EYS: variants seen among roughly 807,000 people sequenced by gnomAD.
EYS encodes EGF-like photoreceptor maintenance factor, also known as protein eyes shut homolog.
In EYS, 250 loss-of-function variants were observed where a neutral mutation model predicts 282.1. That is an observed-to-expected ratio of 0.89 (90% confidence interval 0.80 to 0.98). The LOEUF (loss-of-function observed/expected upper bound fraction) is 0.98, where lower values mean the gene tolerates loss of function less well. Ranked by LOEUF, EYS falls within the 50% of genes least tolerant of loss-of-function variation. EYS has a pLI of 0.00. For synonymous variants in EYS, 1,355 were observed against 1,282.9 expected, an observed-to-expected ratio of 1.06 and a Z score of -1.20; for missense variants, 4,016 against 3,709.0, an observed-to-expected ratio of 1.08 and a Z score of -2.15.
intron 22 of EYS, among the ~76,000 whole-genome samples, chr6:64,742,352 T>A (rs770883189): frequency 1.1e-4 from 17 of 152,066 alleles, no homozygotes; most frequent in Non-Finnish European, 2.2e-4. Context: ...TAATCATAGA[T>A]CACTGTAACA....
At position 64,916,146 on chromosome 6, in the gene EYS, A is replaced by T. The variant is rs537085045; in HGVS notation, c.2382-3403T>A. Among the ~76,000 whole-genome samples the T allele has an allele frequency of 3.9e-4, 60 of 152,314 alleles. 1 individual carries two copies. The South Asian group carries it at 0.01, about 26-fold the overall frequency. On this transcript the variant is annotated intron_variant, in intron 15 of 42. Transcript: ENST00000503581. ...AAGCTAGAGAATTAATATTTTCTAA[A>T]ATCATGGTTACACAGGTCCTGAGGG...
intron 22 of EYS, among the ~76,000 whole-genome samples, chr6:64,768,427 G>A (rs1223767542): frequency 3.3e-5 from 5 of 152,098 alleles, no homozygotes; most frequent in Non-Finnish European, 7.4e-5. Context: ...TCTATTTTAT[G>A]AGAAATTTAA....
chr6:63,950,145 A>T (rs1163633018), intron 35 of EYS, among the ~76,000 whole-genome samples: 1 of 151,644 alleles, frequency 6.6e-6, no homozygotes, highest in Non-Finnish European at 1.5e-5. Context: ...GCACTCCAGC[A>T]TTGGCAACAG....
Position 65,039,134 on chromosome 6 carries a change from T to G in EYS, c.2137+18480A>C, listed in dbSNP as rs150804048. On this transcript the variant is annotated intron_variant, in intron 13 of 42. Coordinates refer to ENST00000503581, the MANE Select transcript of EYS (RefSeq NM_001142800.2). ...AAGAACTTCTACATTTTCTCCTTCA[T>G]AGTTTTAGGTTTTACATAGAGAATG... 5.3e-5 allele frequency among the ~76,000 whole-genome samples: 8 copies of G among 151,672 alleles called. 1 individual carries two copies. Among genetic ancestry groups the G allele is most frequent in the African/African-American group, 1.9e-4 (8 of 41,540 alleles).
chr6:65,316,374 A>G (rs1377028582), intron 11 of EYS, among the ~76,000 whole-genome samples: 2 of 152,040 alleles, frequency 1.3e-5, no homozygotes, highest in African/African-American at 4.8e-5. Flanking sequence ...TAATTGATTT[A>G]TTATTTTCTC....
intron 2 of EYS, among the ~76,000 whole-genome samples, chr6:65,625,804 A>G (rs943698517): frequency 2.0e-5 from 3 of 152,230 alleles, no homozygotes; most frequent in Non-Finnish European, 4.4e-5. Context: ...GCCATTAAGC[A>G]AGGCAAATTT....
At chr6:64,204,527 A>G (rs1765560874) in intron 31 of EYS, among the ~76,000 whole-genome samples, 1 of 152,178 alleles carries the variant, frequency 6.6e-6, no homozygotes, top group South Asian at 2.1e-4. Context: ...AATACAAAGT[A>G]ATGAACTACT....
rs527924726 is a variant in EYS at position 65,638,021 on chromosome 6, T to A, written c.-333+1757A>T. Among the ~76,000 whole-genome samples the A allele has an allele frequency of 1.7e-3, 254 of 152,108 alleles. 1 individual carries two copies. Among genetic ancestry groups the A allele is most frequent in the African/African-American group, 5.3e-3 (218 of 41,488 alleles). ...GCCGGGTTGTCAGTTCCAGCTGGAG[T>A]CCACTACCCAGAGTGAGAACTTACG... On this transcript the variant is annotated intron_variant, in intron 2 of 42. Transcript: ENST00000503581.
chr6:64,236,720 T>C (rs1230078361), intron 30 of EYS, among the ~76,000 whole-genome samples: 1 of 70,754 alleles, frequency 1.4e-5, no homozygotes, highest in Non-Finnish European at 3.0e-5. Flanking sequence ...TTTTTCTTCC[T>C]TTTTTTTCAA....
chr6:64,049,298 T>C (rs548588459), intron 33 of EYS, among the ~76,000 whole-genome samples: 2 of 152,334 alleles, frequency 1.3e-5, no homozygotes, highest in East Asian at 3.9e-4. Context: ...CACTATCACA[T>C]ATATATCCCT....
intron 12 of EYS, among the ~76,000 whole-genome samples, chr6:65,107,218 C>A (rs192485035): frequency 2.3e-4 from 35 of 151,478 alleles, no homozygotes; most frequent in Middle Eastern, 3.5e-3. Flanking sequence ...ATTTTACCTT[C>A]GTCATAAAAA....
chr6:65,538,085 G>A (rs1039358337), intron 2 of EYS, among the ~76,000 whole-genome samples: 4 of 152,124 alleles, frequency 2.6e-5, no homozygotes, highest in Non-Finnish European at 5.9e-5. Flanking sequence ...GATTAGGTGA[G>A]TTGTTAAGAA....
intron 28 of EYS, among the ~76,000 whole-genome samples, chr6:64,390,072 A>G (rs899345767): frequency 2.6e-5 from 4 of 152,002 alleles, no homozygotes; most frequent in Admixed American, 2.6e-4. Context: ...CAACGGGCTT[A>G]AAAAACGGCA....
intron 26 of EYS, among the ~76,000 whole-genome samples, chr6:64,571,576 T>TA (rs1765726962): frequency 6.6e-6 from 1 of 151,654 alleles, no homozygotes; most frequent in African/African-American, 2.4e-5. Context: ...ATAGACACAA[T>TA]AAAAAATAGT....
chr6:64,686,763 G>GTGTATATATATATATATATATATA (rs1770126860), intron 22 of EYS, among the ~76,000 whole-genome samples: 1 of 8,580 alleles, frequency 1.2e-4, no homozygotes, highest in Non-Finnish European at 7.2e-4. Context: ...ATATATATAT[G>GTGTATATATATATATATATATATA]TGTGTATATA....
chr6:65,365,285 T>A (rs1232262746), intron 8 of EYS, among the ~76,000 whole-genome samples: 1 of 151,720 alleles, frequency 6.6e-6, no homozygotes, highest in Non-Finnish European at 1.5e-5. Flanking sequence ...GGAGGATTCC[T>A]GTTTTGGCCC....
At chr6:64,414,222 T>C (rs1773994115) in intron 28 of EYS, among the ~76,000 whole-genome samples, 1 of 152,056 alleles carries the variant, frequency 6.6e-6, no homozygotes, top group African/African-American at 2.4e-5. Flanking sequence ...TTAAAAGATA[T>C]CATATACAAA....
chr6:65,393,187 G>T (rs1222417451), intron 7 of EYS, among the ~76,000 whole-genome samples: 1 of 151,902 alleles, frequency 6.6e-6, no homozygotes. Flanking sequence ...TGGGGGGACG[G>T]GGGAGGGATA....
chr6:64,668,602 T>TGCAGTGGGCTGGAGTGCAGTCAC (rs1419998901), intron 22 of EYS, among the ~76,000 whole-genome samples: 3 of 131,246 alleles, frequency 2.3e-5, no homozygotes, highest in African/African-American at 8.6e-5. Context: ...CAGGCTGGAG[T>TGCAGTGGGCTGGAGTGCAGTCAC]GCAGTGGGCT....
Sources: gnomAD v4.1 joint callset for allele counts (sites outside exome capture counted in the v4.1 genomes callset) on GRCh38, gnomAD v4.1.1 for gene constraint, MANE v1.5 for transcripts, NCBI Gene and HGNC (gene_info 2026-07-23, HGNC 2026-07-21) for gene names.